Variants in PLEKHG1 observed in about 807,000 individuals in gnomAD.
The protein encoded by PLEKHG1 is pleckstrin homology domain-containing family G member 1.
Under a neutral mutation model 100.8 loss-of-function variants are expected in PLEKHG1, and 44 were observed. The observed-to-expected ratio is 0.44, with a 90% CI of 0.34 to 0.56. The LOEUF (loss-of-function observed/expected upper bound fraction) is 0.56. Among genes scored for constraint, PLEKHG1 ranks in the 20% least tolerant of loss-of-function variants. The pLI, the probability that PLEKHG1 is intolerant of heterozygous loss-of-function variation, is 0.01. For missense variants in PLEKHG1, 1,545 were observed against 1,720.9 expected (o/e 0.90, Z 1.81); for synonymous variants, 640 against 662.5 (o/e 0.97, Z 0.52).
At chr6:150,747,943 A>G (rs1231175195) in intron 2 of PLEKHG1, among the ~76,000 whole-genome samples, 1 of 152,042 alleles carries the variant, frequency 6.6e-6, no homozygotes, top group African/African-American at 2.4e-5. Context: ...TACCAAGTAC[A>G]TCAAGTACAT....
At chr6:150,617,529 T>C (rs553513577) in intron 1 of PLEKHG1, among the ~76,000 whole-genome samples, 1 of 152,232 alleles carries the variant, frequency 6.6e-6, no homozygotes, top group Admixed American at 6.5e-5. Context: ...AGAAGAAGAC[T>C]GTTAATGTCA....
chr6:150,841,175 C>T (rs759756675), exon 16 of PLEKHG1: 18 of 546,734 alleles, frequency 3.3e-5, no homozygotes, highest in East Asian at 2.2e-4. Flanking sequence ...ACTTTTAACA[C>T]GATGGCCATA....
At chr6:150,620,624 T>A (rs1275531013) in intron 1 of PLEKHG1, among the ~76,000 whole-genome samples, 4 of 152,226 alleles carry the variant, frequency 2.6e-5, no homozygotes, top group Non-Finnish European at 5.9e-5. Context: ...CTGACTTGAC[T>A]TACCTATTTT....
chr6:150,684,663 A>G (rs1225007209), intron 3 of PLEKHG1, among the ~76,000 whole-genome samples: 2 of 152,118 alleles, frequency 1.3e-5, no homozygotes, highest in African/African-American at 4.8e-5. Context: ...GAGGCCTCCA[A>G]GAAGAGCACC....
At chr6:150,801,427 C>CTTT (rs1562529984) in intron 6 of PLEKHG1, among the ~76,000 whole-genome samples, 2 of 132,950 alleles carry the variant, frequency 1.5e-5, no homozygotes. Flanking sequence ...ATTCTTTTTT[C>CTTT]TTTTCTTTTC....
At chr6:150,816,689 G>A (rs536502024) in intron 10 of PLEKHG1, among the ~76,000 whole-genome samples, 2 of 152,082 alleles carry the variant, frequency 1.3e-5, no homozygotes, top group South Asian at 2.1e-4. Flanking sequence ...CACTTGCCAC[G>A]ATAAAGCCTG....
chr6:150,764,944 T>G (rs1407933784), intron 2 of PLEKHG1, among the ~76,000 whole-genome samples: 1 of 122,796 alleles, frequency 8.1e-6, no homozygotes, highest in Admixed American at 7.8e-5. Flanking sequence ...GGATCATGTT[T>G]TATGCATTTT....
Position 150,736,026 on chromosome 6 carries a change from C to G in PLEKHG1, c.411+1934C>G, listed in dbSNP as rs60917992. On this transcript the variant is annotated intron_variant, in intron 2 of 15. Transcript: ENST00000358517. ...ATTCATGAATCAACTGTGTTTTACA[C>G]TAGGGGTTGGTGAGCTTTTTCTAGG... Among the ~76,000 whole-genome samples the G allele has an allele frequency of 4.6e-3, 703 of 152,254 alleles. 4 individuals are homozygous for G. The highest frequency in any genetic ancestry group is 0.016 in the African/African-American group (675 of 41,562).
At chr6:150,785,295 C>T (rs748379411) in intron 3 of PLEKHG1, among the ~76,000 whole-genome samples, 4 of 152,132 alleles carry the variant, frequency 2.6e-5, no homozygotes, top group Non-Finnish European at 4.4e-5. Flanking sequence ...AACTACTTCA[C>T]TTTTTATTAA....
intron 1 of PLEKHG1, among the ~76,000 whole-genome samples, chr6:150,637,290 G>A (rs560133236): frequency 1.1e-4 from 17 of 151,072 alleles, no homozygotes; most frequent in African/African-American, 2.9e-4. Flanking sequence ...TTTGCCACTT[G>A]AAGGAGATTT....
intron 3 of PLEKHG1, among the ~76,000 whole-genome samples, chr6:150,705,816 C>T (rs983786433): frequency 5.3e-5 from 8 of 152,120 alleles, no homozygotes; most frequent in African/African-American, 1.9e-4. Context: ...TTGGAGGCCT[C>T]GGTGTGTTAA....
At position 150,752,002 on chromosome 6, in the gene PLEKHG1, G is replaced by A. The variant is rs118031679; in HGVS notation, c.412-16636G>A. 3.6e-3 allele frequency among the ~76,000 whole-genome samples: 541 copies of A among 152,092 alleles called. 22 individuals carry two copies. The East Asian group carries it at 0.059, about 17-fold the overall frequency. On this transcript the variant is annotated intron_variant, in intron 2 of 15. Coordinates refer to ENST00000358517, the Ensembl canonical transcript of PLEKHG1. The stretch of plus-strand genomic sequence containing the variant: ...TCAGGAGTTCGAGACTAGCCCAGCC[G>A]ACATGGTGAAACCCTGTCTCTACTA...
chr6:150,799,630 A>G (rs1032227887), intron 5 of PLEKHG1, among the ~76,000 whole-genome samples: 12 of 152,222 alleles, frequency 7.9e-5, no homozygotes, highest in Non-Finnish European at 1.5e-4. Context: ...CCTAGGTTAC[A>G]TGATGGAGAG....
intron 2 of PLEKHG1, among the ~76,000 whole-genome samples, chr6:150,767,005 A>T (rs553413984): frequency 6.6e-6 from 1 of 152,114 alleles, no homozygotes; most frequent in African/African-American, 2.4e-5. Flanking sequence ...TGTGTACAAT[A>T]TGCCCTCCAA....
At chr6:150,741,214 G>T (rs1363368461) in intron 2 of PLEKHG1, among the ~76,000 whole-genome samples, 1 of 152,192 alleles carries the variant, frequency 6.6e-6, no homozygotes, top group Non-Finnish European at 1.5e-5. Flanking sequence ...ACAGTTCAAG[G>T]TGGGCAGCAT....
chr6:150,724,966 T>C (rs1781888475), intron 1 of PLEKHG1, among the ~76,000 whole-genome samples: 1 of 152,250 alleles, frequency 6.6e-6, no homozygotes, highest in African/African-American at 2.4e-5. Flanking sequence ...GCTTAATCCC[T>C]ACTCAACTGA....
intron 2 of PLEKHG1, among the ~76,000 whole-genome samples, chr6:150,747,125 G>A (rs1455866322): frequency 1.3e-5 from 2 of 152,222 alleles, no homozygotes; most frequent in African/African-American, 4.8e-5. Flanking sequence ...GTTCGGTTGG[G>A]TTAGAATCAT....
intron 2 of PLEKHG1, among the ~76,000 whole-genome samples, chr6:150,760,723 G>A (rs1226365381): frequency 6.6e-6 from 1 of 151,372 alleles, no homozygotes; most frequent in African/African-American, 2.4e-5. Flanking sequence ...AATAGGTCTG[G>A]AAAGATATTT....
chr6:150,720,763 A>C (rs984824994), upstream of PLEKHG1, among the ~76,000 whole-genome samples: 1 of 152,184 alleles, frequency 6.6e-6, no homozygotes, highest in Non-Finnish European at 1.5e-5. Flanking sequence ...GATCTTGCTT[A>C]TTTTATGGAG....
Sources: gnomAD v4.1 joint callset for allele counts (sites outside exome capture counted in the v4.1 genomes callset) on GRCh38, gnomAD v4.1.1 for gene constraint, MANE v1.5 for transcripts, NCBI Gene and HGNC (gene_info 2026-07-23, HGNC 2026-07-21) for gene names.